Variants in OPCML observed in about 807,000 individuals in gnomAD.
The protein encoded by OPCML is opioid-binding protein/cell adhesion molecule.
Under a neutral mutation model 37.8 loss-of-function variants are expected in OPCML, and 13 were observed. The observed-to-expected ratio is 0.34, with a 90% CI of 0.22 to 0.55. OPCML has a LOEUF of 0.55. Ranked by LOEUF, OPCML falls within the 20% of genes least tolerant of loss-of-function variation. The probability of loss-of-function intolerance (pLI) is 0.91; values close to 1 mark genes in which losing one functional copy is unlikely to be tolerated. For missense variants in OPCML, 341 were observed against 435.6 expected (o/e 0.78, Z 1.93); for synonymous variants, 176 against 168.8 (o/e 1.04, Z -0.33).
chr11:133,102,866 C>A (rs1437768615), intron 1 of OPCML, among the ~76,000 whole-genome samples: 1 of 152,160 alleles, frequency 6.6e-6, no homozygotes, highest in African/African-American at 2.4e-5. Context: ...TGAGATCTCT[C>A]TAAATGAGAT....
At chr11:132,479,705 G>T (rs905020722) in intron 4 of OPCML, among the ~76,000 whole-genome samples, 1 of 152,156 alleles carries the variant, frequency 6.6e-6, no homozygotes, top group Non-Finnish European at 1.5e-5. Context: ...CTCCTCAAGT[G>T]GGTCCCTGAC....
intron 2 of OPCML, among the ~76,000 whole-genome samples, chr11:132,751,008 G>A (rs527292619): frequency 5.3e-5 from 8 of 152,188 alleles, no homozygotes; most frequent in Non-Finnish European, 7.3e-5. Context: ...CAAGTTGTTC[G>A]GAGGATAGAA....
intron 1 of OPCML, among the ~76,000 whole-genome samples, chr11:133,295,583 TA>T (rs1942609976): frequency 6.6e-6 from 1 of 152,240 alleles, no homozygotes; most frequent in Non-Finnish European, 1.5e-5. Flanking sequence ...ACTGGGTTAT[TA>T]TTTTTTTCAA....
intron 3 of OPCML, among the ~76,000 whole-genome samples, chr11:132,576,011 A>G (rs759745919): frequency 4.6e-5 from 7 of 152,078 alleles, no homozygotes; most frequent in Admixed American, 2.0e-4. Context: ...ACTTGTATGT[A>G]ACCAGTTGTT....
chr11:132,857,961 G>A (rs1174158782), intron 2 of OPCML, among the ~76,000 whole-genome samples: 2 of 152,240 alleles, frequency 1.3e-5, no homozygotes, highest in East Asian at 3.9e-4. Flanking sequence ...GGTGAGCACT[G>A]AACCCCGAGG....
chr11:133,486,645 A>T (rs1005199194), intron 1 of OPCML, among the ~76,000 whole-genome samples: 2 of 151,982 alleles, frequency 1.3e-5, no homozygotes, highest in Non-Finnish European at 2.9e-5. Context: ...ACAGATAACA[A>T]GATACTAATG....
chr11:133,427,907 A>G (rs763744126), intron 1 of OPCML, among the ~76,000 whole-genome samples: 7 of 152,184 alleles, frequency 4.6e-5, no homozygotes, highest in Non-Finnish European at 8.8e-5. Context: ...CTCTACACAC[A>G]CGATTATACT....
At chr11:132,637,371 G>A (rs1054835614) in intron 3 of OPCML, among the ~76,000 whole-genome samples, 3 of 152,060 alleles carry the variant, frequency 2.0e-5, no homozygotes, top group Middle Eastern at 3.2e-3. Context: ...ACCTGGAATC[G>A]TACGCTAGCC....
At chr11:133,118,370 A>G (rs929110058) in intron 1 of OPCML, 3 of 985,084 alleles carry the variant, frequency 3.0e-6, no homozygotes, top group African/African-American at 3.5e-5. Context: ...TAACGGTGAG[A>G]GTTATAAACT....
chr11:132,598,784 G>T (rs1344286393), intron 3 of OPCML, among the ~76,000 whole-genome samples: 2 of 151,890 alleles, frequency 1.3e-5, no homozygotes, highest in Non-Finnish European at 2.9e-5. Flanking sequence ...CCCATGGTTC[G>T]GTCAATATTT....
chr11:132,717,146 T>C (rs907245861), intron 2 of OPCML, among the ~76,000 whole-genome samples: 7 of 152,230 alleles, frequency 4.6e-5, no homozygotes, highest in Admixed American at 1.3e-4. Context: ...AATTGGACTA[T>C]TGTTCATAGT....
intron 1 of OPCML, among the ~76,000 whole-genome samples, chr11:133,355,555 G>A (rs772981218): frequency 6.6e-6 from 1 of 152,146 alleles, no homozygotes; most frequent in Non-Finnish European, 1.5e-5. Context: ...GTGATCCTGG[G>A]GAAGTATTCA....
At chr11:132,828,954 TCTC>T (rs1429626724) in intron 2 of OPCML, among the ~76,000 whole-genome samples, 1 of 152,184 alleles carries the variant, frequency 6.6e-6, no homozygotes, top group Non-Finnish European at 1.5e-5. Context: ...TGAAGAGTAT[TCTC>T]CTTTGAAAGA....
At chr11:133,320,264 C>T (rs1943298457) in intron 1 of OPCML, among the ~76,000 whole-genome samples, 2 of 152,068 alleles carry the variant, frequency 1.3e-5, no homozygotes, top group South Asian at 4.1e-4. Context: ...GTACTATTTC[C>T]TTCATTGTCT....
At chr11:133,437,896 T>G (rs1461928318) in intron 1 of OPCML, among the ~76,000 whole-genome samples, 1 of 152,174 alleles carries the variant, frequency 6.6e-6, no homozygotes, top group Non-Finnish European at 1.5e-5. Flanking sequence ...AAACTTGCAT[T>G]CAAGTATGAG....
chr11:132,756,524 A>C (rs1401612420), intron 2 of OPCML, among the ~76,000 whole-genome samples: 2 of 152,220 alleles, frequency 1.3e-5, no homozygotes, highest in East Asian at 3.9e-4. Context: ...TTTAGCACTA[A>C]GGAGAGCTCC....
At chr11:132,977,510 G>A (rs1006852804) in intron 1 of OPCML, among the ~76,000 whole-genome samples, 2 of 152,202 alleles carry the variant, frequency 1.3e-5, no homozygotes, top group East Asian at 3.9e-4. Context: ...CACACTCACT[G>A]TAAATGCAGC....
At position 133,177,846 on chromosome 11, in the gene OPCML, TTTCATTTAC is replaced by T. The variant is rs565284645; in HGVS notation, c.62-234845_62-234837del. Among the ~76,000 whole-genome samples, 211 of 152,320 alleles carry T rather than the reference TTTCATTTAC, an allele frequency of 1.4e-3. No homozygotes were observed. Among genetic ancestry groups the T allele is most frequent in the Non-Finnish European group, 2.5e-3 (171 of 68,022 alleles). On this transcript the variant is annotated intron_variant, in intron 1 of 7. Coordinates refer to ENST00000524381, the MANE Select transcript of OPCML (RefSeq NM_001012393.5). The surrounding 1 kb of genome is among the most constrained non-coding windows in gnomAD (Gnocchi z 5.0). ...ACATTCAAGATCACTTACTGCAGAC[TTTCATTTAC>T]TTCATGAGGAAGAAAGAGAGGAAAG... is the stretch of plus-strand genomic sequence containing the variant.
intron 3 of OPCML, among the ~76,000 whole-genome samples, chr11:132,599,545 C>A (rs1434362692): frequency 6.6e-6 from 1 of 152,108 alleles, no homozygotes; most frequent in Non-Finnish European, 1.5e-5. Context: ...AAATACAACT[C>A]CAAATGGCAG....
Sources: allele counts gnomAD v4.1 joint callset (sites outside exome capture counted in the v4.1 genomes callset), GRCh38; gene constraint gnomAD v4.1.1; non-coding constraint Gnocchi (gnomAD v3.1); transcripts MANE v1.5; gene names NCBI Gene and HGNC (gene_info 2026-07-23, HGNC 2026-07-21).